The following IGF1R variants were observed in gnomAD, a reference collection of about 807,000 sequenced individuals.
IGF1R encodes the protein insulin like growth factor 1 receptor.
In IGF1R, 44 loss-of-function variants were observed where a neutral mutation model predicts 144.6. The ratio of observed to expected loss-of-function variants is 0.30; its 90% confidence interval spans 0.24 to 0.39. The LOEUF (loss-of-function observed/expected upper bound fraction) is 0.39. Among genes scored for constraint, IGF1R ranks in the 10% least tolerant of loss-of-function variants. The probability of loss-of-function intolerance (pLI) is 1.00; values close to 1 mark genes in which losing one functional copy is unlikely to be tolerated. For missense variants in IGF1R, 1,355 were observed against 1,833.7 expected, an observed-to-expected ratio of 0.74 and a Z score of 4.77; for synonymous variants, 795 against 722.8, an observed-to-expected ratio of 1.10 and a Z score of -1.60.
At position 98,649,610 on chromosome 15, in the gene IGF1R, C is replaced by T. The variant is rs749124908; in HGVS notation, c.29C>T (p.Pro10Leu). The stretch of plus-strand genomic sequence containing the variant: ...AAGTCTGGCTCCGGAGGAGGGTCCC[C>T]GACCTCGCTGTGGGGGCTCCTGTTT... MKSGSGGGS[P>L]TSLWGLLFLS... The change falls in exon 1 of 21, where the codon CCG (proline) becomes CTG (leucine). Residue 10 changes from proline (P) to leucine (L), a missense_variant. Transcript: ENST00000650285. 6.2e-6 allele frequency: 10 copies of T among 1,609,198 alleles called. No homozygotes were observed. The highest frequency in any genetic ancestry group is 8.5e-6 in the Non-Finnish European group (10 of 1,178,272).
chr15:98,959,071 T>C lies in IGF1R; in HGVS notation c.*1629T>C, dbSNP rs766262256. On this transcript the variant is annotated 3_prime_UTR_variant, in exon 21 of 21. Coordinates refer to ENST00000650285, the MANE Select transcript of IGF1R (RefSeq NM_000875.5). Reference sequence around the variant, plus strand: ...GAGCCTGTTACAGTGCAAGACATGATACAAACTCAGGTCAGAAAAACAAAG... The same window carrying C: ...GAGCCTGTTACAGTGCAAGACATGACACAAACTCAGGTCAGAAAAACAAAG... 1.7e-5 allele frequency: 4 copies of C among 233,174 alleles called. No individual in the cohort carries two copies. The highest frequency in any genetic ancestry group is 5.6e-5 in the Admixed American group (1 of 17,782). 14.4% of individuals were successfully genotyped at this position (233,174 alleles called of 1,614,324 possible).
intron 2 of IGF1R, among the ~76,000 whole-genome samples, chr15:98,751,755 C>T (rs541147003): frequency 2.0e-5 from 3 of 152,172 alleles, no homozygotes; most frequent in Non-Finnish European, 4.4e-5. Context: ...TGTTGAGACT[C>T]GGACCTATGC....
chr15:98,740,864 T>C (rs1445210034), intron 2 of IGF1R, among the ~76,000 whole-genome samples: 1 of 152,204 alleles, frequency 6.6e-6, no homozygotes, highest in African/African-American at 2.4e-5. Flanking sequence ...CTCTTATGTA[T>C]CTGGACTGGC....
At chr15:98,889,052 T>A (rs940825481) in intron 2 of IGF1R, among the ~76,000 whole-genome samples, 1 of 152,158 alleles carries the variant, frequency 6.6e-6, no homozygotes, top group East Asian at 1.9e-4. Context: ...TTTGTTTATA[T>A]CTCACTGGCC....
intron 2 of IGF1R, among the ~76,000 whole-genome samples, chr15:98,874,240 T>C (rs375079988): frequency 6.6e-6 from 1 of 152,132 alleles, no homozygotes; most frequent in South Asian, 2.1e-4. Context: ...AAAAGTGGAC[T>C]TAAGGAGAAG....
intron 1 of IGF1R, among the ~76,000 whole-genome samples, chr15:98,679,461 C>T (rs909149901): frequency 3.9e-5 from 6 of 152,170 alleles, no homozygotes; most frequent in Non-Finnish European, 7.3e-5. Flanking sequence ...TCGTCTGTAA[C>T]AGTAGTCCCA....
intron 2 of IGF1R, among the ~76,000 whole-genome samples, chr15:98,711,276 A>C (rs766440268): frequency 7.2e-5 from 11 of 152,204 alleles, no homozygotes; most frequent in Non-Finnish European, 1.3e-4. Context: ...CCATTCAGGT[A>C]ATCTTCTGTT....
chr15:98,765,492 CTT>C (rs1170291412), intron 2 of IGF1R, among the ~76,000 whole-genome samples: 6 of 151,306 alleles, frequency 4.0e-5, no homozygotes, highest in Non-Finnish European at 8.8e-5. Flanking sequence ...TTTCTTTTCT[CTT>C]TTTTGTTTTT....
At chr15:98,774,690 G>C (rs1293674447) in intron 2 of IGF1R, among the ~76,000 whole-genome samples, 1 of 150,070 alleles carries the variant, frequency 6.7e-6, no homozygotes, top group Non-Finnish European at 1.5e-5. Flanking sequence ...TGCGGTGGTG[G>C]GGGGGTGGGG....
chr15:98,651,048 CAGAACT>C (rs1374227532), intron 1 of IGF1R: 2 of 985,210 alleles, frequency 2.0e-6, no homozygotes, highest in African/African-American at 1.7e-5. Context: ...TTAAATGTCG[CAGAACT>C]GGGACTGGGA....
intron 2 of IGF1R, among the ~76,000 whole-genome samples, chr15:98,777,706 C>G (rs552630837): frequency 2.0e-5 from 3 of 152,352 alleles, no homozygotes; most frequent in African/African-American, 7.2e-5. Flanking sequence ...TGCATCCTCA[C>G]AGTTGATGGG....
chr15:98,867,243 G>A (rs564494967), intron 2 of IGF1R, among the ~76,000 whole-genome samples: 241 of 152,036 alleles, frequency 1.6e-3, no homozygotes, highest in African/African-American at 5.5e-3. Flanking sequence ...ACTTTGCGCA[G>A]CAACAAAAGC....
chr15:98,961,588 C>A lies in IGF1R; in HGVS notation c.*4146C>A, dbSNP rs1438788283. On this transcript the variant is annotated 3_prime_UTR_variant, in exon 21 of 21. Transcript: ENST00000650285. The stretch of plus-strand genomic sequence containing the variant: ...AAGCTGAGTTGTGGCATTTTCCATG[C>A]AACCTCCTTCTGCCAGCAGCTCACA... 8.6e-6 allele frequency: 2 copies of A among 233,590 alleles called. No homozygotes were observed. The highest frequency in any genetic ancestry group is 6.0e-5 in the East Asian group (1 of 16,594). The allele number at this position is 233,590 out of a possible 1,614,324, so 14.5% of individuals were successfully genotyped here.
rs1377532283 is a variant in IGF1R, at chr15:98,649,116, C to A, written c.-466C>A. 3.2e-5 allele frequency: 7 copies of A among 219,036 alleles called. No individual in the cohort carries two copies. The highest frequency in any genetic ancestry group is 1.3e-4 in the East Asian group (2 of 15,682). The allele number at this position is 219,036 out of a possible 1,614,324, so 13.6% of individuals were successfully genotyped here. ...CCGGCCTCGCCTGTGACCCGGACTTCGGGGCGATCTTGCGAACTGCGTCGC... is the reference window on the plus strand; with the variant it reads ...CCGGCCTCGCCTGTGACCCGGACTTAGGGGCGATCTTGCGAACTGCGTCGC... On this transcript the variant is annotated 5_prime_UTR_variant, in exon 1 of 21. Transcript: ENST00000650285.
intron 2 of IGF1R, among the ~76,000 whole-genome samples, chr15:98,727,616 C>A (rs868080226): frequency 6.6e-6 from 1 of 152,192 alleles, no homozygotes; most frequent in African/African-American, 2.4e-5. Context: ...TCAGGTGGGG[C>A]TGCTCCTGCC....
intron 2 of IGF1R, among the ~76,000 whole-genome samples, chr15:98,835,216 C>T (rs752147414): frequency 6.6e-6 from 1 of 151,036 alleles, no homozygotes; most frequent in Admixed American, 6.6e-5. Context: ...CACAGACCTA[C>T]ACCCACACAC....
chr15:98,896,349 T>TC (rs1345262592), intron 3 of IGF1R, among the ~76,000 whole-genome samples: 5 of 152,176 alleles, frequency 3.3e-5, no homozygotes, highest in Admixed American at 1.3e-4. Flanking sequence ...TAGCGACTCC[T>TC]CCAGGTACAC....
intron 2 of IGF1R, among the ~76,000 whole-genome samples, chr15:98,767,357 C>T (rs1192118862): frequency 6.6e-6 from 1 of 152,120 alleles, no homozygotes; most frequent in Non-Finnish European, 1.5e-5. Flanking sequence ...GGAGCACTGA[C>T]CCTTCTGTCA....
rs2017164541 is a variant in IGF1R at position 98,960,064 on chromosome 15, C to T, written c.*2622C>T. ...TTTTTTTCCCCCAAACATTTATCTA[C>T]CTCACTCTTATTTTTTATATGTGTA... On this transcript the variant is annotated 3_prime_UTR_variant, in exon 21 of 21. Transcript: ENST00000650285. 3 of 233,340 alleles carry T rather than the reference C, an allele frequency of 1.3e-5. No homozygotes were observed. The highest frequency in any genetic ancestry group is 2.5e-5 in the Non-Finnish European group (3 of 118,042). The allele number at this position is 233,340 out of a possible 1,614,324, so 14.5% of individuals were successfully genotyped here. A position where few individuals can be genotyped will look rare whatever the true frequency, so the allele number is the denominator to read the frequency against.
Sources: allele counts gnomAD v4.1 joint callset (sites outside exome capture counted in the v4.1 genomes callset), GRCh38; gene constraint gnomAD v4.1.1; transcripts MANE v1.5; gene names NCBI Gene and HGNC (gene_info 2026-07-23, HGNC 2026-07-21).